The following KCTD16 variants were observed in gnomAD, a reference collection of about 807,000 sequenced individuals.
The protein encoded by KCTD16 is potassium channel tetramerization domain containing 16, also known as BTB/POZ domain-containing protein KCTD16.
A neutral mutation model predicts 33.2 loss-of-function variants in KCTD16; 13 were observed. That is an observed-to-expected ratio of 0.39 (90% CI 0.25 to 0.62). KCTD16 has a LOEUF of 0.62. Ranked by LOEUF, KCTD16 falls within the 20% of genes least tolerant of loss-of-function variation. KCTD16 has a pLI of 0.50. For missense variants in KCTD16, 441 were observed against 525.1 expected (o/e 0.84, Z 1.57); for synonymous variants, 197 against 195.3 (o/e 1.01, Z -0.07).
At chr5:144,394,298 A>T (rs1752516993) in intron 3 of KCTD16, among the ~76,000 whole-genome samples, 2 of 152,160 alleles carry the variant, frequency 1.3e-5, no homozygotes, top group Non-Finnish European at 2.9e-5. Context: ...GATTGGTGAC[A>T]TTTTATGAAA....
In KCTD16 at chr5:144,376,072, G is replaced by A. The variant is rs1209881901; in HGVS notation, c.833-97588G>A. ...ACTCCTGAGCTCAAGTGATTGGTCC[G>A]CCTCGACCTCCCAAAGTGCAAACTT... On this transcript the variant is annotated intron_variant, in intron 3 of 3. Coordinates refer to ENST00000512467, the MANE Select transcript of KCTD16 (RefSeq NM_020768.4). 2.6e-5 allele frequency among the ~76,000 whole-genome samples: 4 copies of A among 152,000 alleles called. No individual in the cohort carries two copies. The East Asian group carries it at 5.8e-4, about 22-fold the overall frequency.
chr5:144,352,800 A>G (rs994349427), intron 3 of KCTD16, among the ~76,000 whole-genome samples: 3 of 152,200 alleles, frequency 2.0e-5, no homozygotes, highest in Admixed American at 2.0e-4. Context: ...ATGAAAACAA[A>G]TGATCTGAGT....
chr5:144,470,161 G>A (rs1754437591), intron 3 of KCTD16, among the ~76,000 whole-genome samples: 1 of 152,016 alleles, frequency 6.6e-6, no homozygotes, highest in South Asian at 2.1e-4. Flanking sequence ...TGGTATAATT[G>A]GGGGGATTCT....
rs138179723 is a variant in KCTD16, at chr5:144,261,619, G to A, written c.832+54073G>A. On this transcript the variant is annotated intron_variant, in intron 3 of 3. Transcript: ENST00000512467. ...AACGTACCTAAATGGCTTATTCAAG[G>A]TCACCTGAGAAGTCCTCTGTGAAAT... is the stretch of plus-strand genomic sequence containing the variant. Among the ~76,000 whole-genome samples the A allele has an allele frequency of 4.6e-5, 7 of 152,312 alleles. No homozygotes were observed. In the East Asian group the frequency reaches 1.4e-3, roughly 29 times the overall value.
chr5:144,457,436 ACT>A (rs1252589732), intron 3 of KCTD16, among the ~76,000 whole-genome samples: 1 of 152,080 alleles, frequency 6.6e-6, no homozygotes, highest in African/African-American at 2.4e-5. Context: ...AACTGAGCTG[ACT>A]CTTCATTGAC....
chr5:144,183,772 A>G lies in KCTD16; in HGVS notation c.-327+9300A>G, dbSNP rs370026363. On this transcript the variant is annotated intron_variant, in intron 2 of 3. Coordinates refer to ENST00000512467, the MANE Select transcript of KCTD16 (RefSeq NM_020768.4). Reference sequence around the variant, plus strand: ...AGTGCCTAGCAAATGGTAGGTGCTTAGTAAATATTTGCTATATGTTATAAA... The same window carrying G: ...AGTGCCTAGCAAATGGTAGGTGCTTGGTAAATATTTGCTATATGTTATAAA... Among the ~76,000 whole-genome samples the G allele has an allele frequency of 3.2e-4, 48 of 152,372 alleles. No individual in the cohort carries two copies. In the South Asian group the frequency reaches 9.7e-3, roughly 31 times the overall value.
intron 3 of KCTD16, among the ~76,000 whole-genome samples, chr5:144,260,316 ATAAT>A (rs1172100672): frequency 1.3e-5 from 2 of 152,330 alleles, no homozygotes; most frequent in Admixed American, 1.3e-4. Flanking sequence ...TGACCTGGAA[ATAAT>A]TAAACTCTGC....
chr5:144,199,519 G>T (rs1753001609), intron 2 of KCTD16, among the ~76,000 whole-genome samples: 1 of 152,024 alleles, frequency 6.6e-6, no homozygotes, highest in Non-Finnish European at 1.5e-5. Context: ...TATGAGAATC[G>T]TGCAGCTAAT....
intron 3 of KCTD16, among the ~76,000 whole-genome samples, chr5:144,441,333 G>A (rs60756533): frequency 0.078 from 11,872 of 151,960 alleles, 1,545 homozygotes; most frequent in African/African-American, 0.27. Flanking sequence ...AACCATTGGT[G>A]GCTAACCCAA....
chr5:144,407,188 TAA>T (rs1561596406), intron 3 of KCTD16, among the ~76,000 whole-genome samples: 2 of 129,522 alleles, frequency 1.5e-5, no homozygotes, highest in Non-Finnish European at 3.1e-5. Context: ...CATCTTTTTT[TAA>T]AAAAATTCCT....
intron 2 of KCTD16, among the ~76,000 whole-genome samples, chr5:144,185,006 CTTA>C (rs1056699411): frequency 3.9e-5 from 6 of 152,166 alleles, no homozygotes; most frequent in Admixed American, 2.6e-4. Flanking sequence ...AAAACTTGCT[CTTA>C]TTATGTGTCA....
chr5:144,303,204 G>A (rs1011264618), intron 3 of KCTD16, among the ~76,000 whole-genome samples: 6 of 152,166 alleles, frequency 3.9e-5, no homozygotes, highest in African/African-American at 1.4e-4. Context: ...TAGGGTGGCT[G>A]GCTGTCTCTA....
At chr5:144,246,130 G>T (rs192902041) in intron 3 of KCTD16, among the ~76,000 whole-genome samples, 1 of 152,118 alleles carries the variant, frequency 6.6e-6, no homozygotes, top group African/African-American at 2.4e-5. Flanking sequence ...TGATGTTTGG[G>T]CAGAGAGTTG....
chr5:144,367,164 C>A (rs5021884), intron 3 of KCTD16, among the ~76,000 whole-genome samples: 1,780 of 152,294 alleles, frequency 0.012, 18 homozygotes, highest in South Asian at 0.03. Context: ...GCTGATGAGA[C>A]CAGTAATAGA....
At chr5:144,297,798 G>T (rs1756086484) in intron 3 of KCTD16, among the ~76,000 whole-genome samples, 1 of 152,224 alleles carries the variant, frequency 6.6e-6, no homozygotes, top group Admixed American at 6.5e-5. Context: ...GAGGGACAAA[G>T]ATCAGGATAT....
chr5:144,254,594 T>C (rs1302824500), intron 3 of KCTD16, among the ~76,000 whole-genome samples: 1 of 152,200 alleles, frequency 6.6e-6, no homozygotes, highest in Non-Finnish European at 1.5e-5. Context: ...GTAAGTATAA[T>C]GTTGTGCATA....
chr5:144,216,863 A>G, intron 3 of KCTD16, among the ~76,000 whole-genome samples: 1 of 151,826 alleles, frequency 6.6e-6, no homozygotes, highest in South Asian at 2.1e-4. Context: ...AAAAAAAAGA[A>G]AAAGAGAGAG....
chr5:144,388,532 G>T (rs1174877169), intron 3 of KCTD16, among the ~76,000 whole-genome samples: 4 of 152,000 alleles, frequency 2.6e-5, no homozygotes, highest in African/African-American at 9.7e-5. Flanking sequence ...TTGAGAGTTG[G>T]ATACCATGGG....
intron 3 of KCTD16, among the ~76,000 whole-genome samples, chr5:144,254,319 T>TTG (rs1554083180): frequency 7.3e-5 from 11 of 151,354 alleles, no homozygotes; most frequent in East Asian, 2.0e-4. Context: ...TTTTTTTGTT[T>TTG]TTTTAGTTAG....
Sources: gnomAD v4.1 joint callset for allele counts (sites outside exome capture counted in the v4.1 genomes callset) on GRCh38, gnomAD v4.1.1 for gene constraint, MANE v1.5 for transcripts, NCBI Gene and HGNC (gene_info 2026-07-23, HGNC 2026-07-21) for gene names.